MKX: variants seen among roughly 807,000 people sequenced by gnomAD.
MKX encodes the protein homeobox protein Mohawk.
In MKX, 13 loss-of-function variants were observed where a neutral mutation model predicts 36.0. The ratio of observed to expected loss-of-function variants is 0.36; its 90% CI spans 0.24 to 0.57. MKX has a LOEUF of 0.57. Ranked by LOEUF, MKX falls within the 20% of genes least tolerant of loss-of-function variation. MKX has a pLI of 0.79. For synonymous variants in MKX, 176 were observed against 178.3 expected, an observed-to-expected ratio of 0.99 and a Z score of 0.10; for missense variants, 458 against 456.4, an observed-to-expected ratio of 1.00 and a Z score of -0.03.
intron 5 of MKX, among the ~76,000 whole-genome samples, chr10:27,714,793 T>C (rs1389341133): frequency 6.6e-6 from 1 of 152,262 alleles, no homozygotes; most frequent in African/African-American, 2.4e-5. Context: ...ACACCAAGTG[T>C]CTGCTCTGTC....
chr10:27,737,345 T>C (rs1032186571), intron 3 of MKX, among the ~76,000 whole-genome samples: 8 of 152,300 alleles, frequency 5.3e-5, no homozygotes, highest in Non-Finnish European at 8.8e-5. Flanking sequence ...CAAGAATTGA[T>C]GCACCATTTT....
At chr10:27,735,662 T>C (rs918700655) in intron 3 of MKX, among the ~76,000 whole-genome samples, 3 of 152,068 alleles carry the variant, frequency 2.0e-5, no homozygotes, top group African/African-American at 7.2e-5. Flanking sequence ...GGTATACAAA[T>C]AACTAGTATA....
Position 27,735,234 on chromosome 10 carries a change from G to A in MKX, c.489C>T (p.Asp163=). 6.3e-7 allele frequency: 1 copy of A among 1,592,142 alleles called. No individual in the cohort carries two copies. The highest frequency in any genetic ancestry group is 8.5e-7 in the Non-Finnish European group (1 of 1,170,762). ...ATATTAACAAACCTTCAGAACATGA[G>A]TCATCACTGCTTACGCTAAGCCGTT... ...NAERLSVSSD[D]SCSEDGENPP... is the part of the protein sequence containing the mutation. The change falls in exon 4 of 7, where the codon GAC becomes GAT. Residue 163 remains aspartate, a synonymous_variant. Coordinates refer to ENST00000419761, the MANE Select transcript of MKX (RefSeq NM_173576.3).
rs78865594 is a variant in MKX at position 27,722,970 on chromosome 10, G to A, written c.838+11486C>T. 1.1e-3 allele frequency among the ~76,000 whole-genome samples: 162 copies of A among 152,210 alleles called. 3 individuals carry two copies. In the East Asian group the frequency reaches 0.026, roughly 24 times the overall value. On this transcript the variant is annotated intron_variant, in intron 5 of 6. Coordinates refer to ENST00000419761, the MANE Select transcript of MKX (RefSeq NM_173576.3). ...GGAATTTAAGGGTTGGTAATATGTC[G>A]TGAAATCATAAAGTTGAGCTTTTTT... is the stretch of plus-strand genomic sequence containing the variant.
At position 27,744,129 on chromosome 10, in the gene MKX, GAA is replaced by G. The variant is rs1486270037; in HGVS notation, c.-82-634_-82-633del. Among the ~76,000 whole-genome samples, 1 of 152,100 alleles carries G rather than the reference GAA, an allele frequency of 6.6e-6. No individual in the cohort carries two copies. Among genetic ancestry groups the G allele is most frequent in the East Asian group, 1.9e-4 (1 of 5,166 alleles). ...GGGGTGAGGTTGGGTTCAAGGACAG[GAA>G]AAAGTTAAGTGGCGTCAGGACGAAA... On this transcript the variant is annotated intron_variant, in intron 1 of 6. Coordinates refer to ENST00000419761, the MANE Select transcript of MKX (RefSeq NM_173576.3). This position sits in a 1 kb window ranked among gnomAD's most constrained non-coding sequence, Gnocchi z 5.6.
At chr10:27,706,496 T>C (rs1178705787) in intron 5 of MKX, among the ~76,000 whole-genome samples, 3 of 151,904 alleles carry the variant, frequency 2.0e-5, no homozygotes, top group African/African-American at 7.3e-5. Flanking sequence ...ATCCCAGCAG[T>C]GCTCAAGGGT....
At chr10:27,707,180 G>T (rs1314358297) in intron 5 of MKX, among the ~76,000 whole-genome samples, 1 of 148,072 alleles carries the variant, frequency 6.8e-6, no homozygotes, top group East Asian at 2.8e-4. Flanking sequence ...TGCCCCAGGG[G>T]GTTAAAAAAG....
At chr10:27,689,165 C>T (rs1231562523) in intron 5 of MKX, among the ~76,000 whole-genome samples, 2 of 152,164 alleles carry the variant, frequency 1.3e-5, no homozygotes, top group Non-Finnish European at 2.9e-5. Flanking sequence ...AGGAAATCTC[C>T]GTGTTAAACC....
chr10:27,709,986 A>G (rs1836824318), intron 5 of MKX, among the ~76,000 whole-genome samples: 1 of 152,234 alleles, frequency 6.6e-6, no homozygotes, highest in Non-Finnish European at 1.5e-5. Flanking sequence ...AGAAATTATC[A>G]ATGAGATATT....
At chr10:27,743,152 C>A (rs1834948311) in intron 2 of MKX, 76 bp downstream of exon 2, 27 of 1,333,884 alleles carry the variant, frequency 2.0e-5, no homozygotes, top group Non-Finnish European at 2.6e-5. Context: ...CGCGTTGCCA[C>A]GGGACCCCGT....
chr10:27,718,829 C>T (rs1834306790), intron 5 of MKX, among the ~76,000 whole-genome samples: 3 of 152,220 alleles, frequency 2.0e-5, no homozygotes, highest in Admixed American at 1.3e-4. Flanking sequence ...TATCACAATG[C>T]ATCATGTTTT....
intron 5 of MKX, among the ~76,000 whole-genome samples, chr10:27,707,687 T>A (rs558830858): frequency 3.3e-5 from 5 of 152,352 alleles, no homozygotes; most frequent in African/African-American, 1.2e-4. Flanking sequence ...TAGCATCTAT[T>A]GGCACTAAGT....
At chr10:27,733,574 G>T (rs926427714) in intron 5 of MKX, among the ~76,000 whole-genome samples, 8 of 152,156 alleles carry the variant, frequency 5.3e-5, no homozygotes, top group Non-Finnish European at 1.2e-4. Context: ...TCTTATCTGT[G>T]ATGTAATGTG....
intron 3 of MKX, among the ~76,000 whole-genome samples, chr10:27,735,918 C>A (rs1227816923): frequency 6.6e-6 from 1 of 152,148 alleles, no homozygotes; most frequent in Non-Finnish European, 1.5e-5. Flanking sequence ...TTAAAGATGA[C>A]CTTGAGTCAT....
chr10:27,691,019 G>T (rs1374633277), intron 5 of MKX, among the ~76,000 whole-genome samples: 1 of 152,116 alleles, frequency 6.6e-6, no homozygotes, highest in Non-Finnish European at 1.5e-5. Context: ...TTGTGAAGAA[G>T]GTGCCTGCTT....
chr10:27,697,509 T>C (rs751414248), intron 5 of MKX, among the ~76,000 whole-genome samples: 1 of 152,182 alleles, frequency 6.6e-6, no homozygotes. Context: ...CAATTTATAA[T>C]GTGGAAATTG....
chr10:27,695,461 C>T (rs2132517044), intron 5 of MKX, among the ~76,000 whole-genome samples: 1 of 152,134 alleles, frequency 6.6e-6, no homozygotes, highest in East Asian at 1.9e-4. Flanking sequence ...TCATATTTTC[C>T]ATGCACTCAG....
In MKX at chr10:27,743,339, CCCCGCT is replaced by C; in HGVS notation, c.71_76del (p.Glu24_Arg25del). The C allele has an allele frequency of 6.3e-7, 1 of 1,584,734 alleles. No individual in the cohort carries two copies. The highest frequency in any genetic ancestry group is 8.6e-7 in the Non-Finnish European group (1 of 1,168,296). On this transcript the variant is annotated inframe_deletion, in exon 2 of 7. Transcript: ENST00000419761. ...CAGGACACCGCTGTAGGGCCGGCCA[CCCCGCT>C]CCCGCTCCGAGGCGCCTCCGTCCTC... is the stretch of plus-strand genomic sequence containing the variant.
Position 27,674,954 on chromosome 10 carries a change from G to A in MKX, c.*275C>T, listed in dbSNP as rs1209887098. On this transcript the variant is annotated 3_prime_UTR_variant, in exon 7 of 7. Transcript: ENST00000419761. ...CTTGTTCAACTATGCCCACGTTGGA[G>A]CTTATTGTCGGGAAGCAAGGCACTT... 5 of 298,662 alleles carry A rather than the reference G, an allele frequency of 1.7e-5. No homozygotes were observed. Among genetic ancestry groups the A allele is most frequent in the Admixed American group, 4.7e-5 (1 of 21,144 alleles). The allele number at this position is 298,662 out of a possible 1,614,324, so 18.5% of individuals were successfully genotyped here.
Sources: gnomAD v4.1 joint callset for allele counts (sites outside exome capture counted in the v4.1 genomes callset) on GRCh38, gnomAD v4.1.1 for gene constraint, Gnocchi (gnomAD v3.1) non-coding constraint, MANE v1.5 for transcripts, NCBI Gene and HGNC (gene_info 2026-07-23, HGNC 2026-07-21) for gene names.